PIK3C3: variants seen among roughly 807,000 people sequenced by gnomAD.
The protein encoded by PIK3C3 is PI3-kinase type 3.
A neutral mutation model predicts 126.1 loss-of-function variants in PIK3C3; 95 were observed. The observed-to-expected ratio is 0.75, with a 90% CI of 0.64 to 0.89. The LOEUF is 0.89. Among genes scored for constraint, PIK3C3 ranks in the 40% least tolerant of loss-of-function variants. PIK3C3 has a pLI of 0.00. For synonymous variants in PIK3C3, 374 were observed against 360.0 expected (o/e 1.04, Z -0.44); for missense variants, 829 against 1,063.2 (o/e 0.78, Z 3.06).
Position 42,003,341 on chromosome 18 carries a change from AAAG to A in PIK3C3, c.985-1006_985-1004del, listed in dbSNP as rs1264125777. Reference sequence around the variant, plus strand: ...TCAACAAATAGCAACAGAGGAAGACAAAGAAGAAGAAAACATCTTGGGTTCAGC... The same window carrying A: ...TCAACAAATAGCAACAGAGGAAGACAAAGAAGAAAACATCTTGGGTTCAGC... On this transcript the variant is annotated intron_variant, in intron 9 of 24. Coordinates refer to ENST00000262039, the MANE Select transcript of PIK3C3 (RefSeq NM_002647.4). Among the ~76,000 whole-genome samples, 4 of 152,220 alleles carry A rather than the reference AAAG, an allele frequency of 2.6e-5. No individual in the cohort carries two copies. In the East Asian group the frequency reaches 7.7e-4, roughly 29 times the overall value.
intron 13 of PIK3C3, 34 bp downstream of exon 13, chr18:42,020,739 T>C (rs572456168): frequency 2.5e-6 from 3 of 1,190,966 alleles, no homozygotes; most frequent in Non-Finnish European, 3.7e-6. Context: ...TATTTTCTTA[T>C]TACCCTTAAG....
intron 6 of PIK3C3, 117 bp from the exon 7 acceptor site, chr18:41,993,153 T>G: frequency 1.8e-6 from 1 of 560,790 alleles, no homozygotes; most frequent in East Asian, 3.0e-5. Flanking sequence ...AAGGATTTCT[T>G]TAAAGGGAAG....
chr18:41,968,135 G>C (rs938255909), intron 3 of PIK3C3, among the ~76,000 whole-genome samples: 1 of 152,042 alleles, frequency 6.6e-6, no homozygotes, highest in Non-Finnish European at 1.5e-5. Context: ...CCATCCCAAG[G>C]CACCTAAATC....
intron 13 of PIK3C3, among the ~76,000 whole-genome samples, chr18:42,021,021 A>C (rs950315620): frequency 1.3e-5 from 2 of 152,138 alleles, no homozygotes; most frequent in Non-Finnish European, 2.9e-5. Context: ...GTTCTTCAGG[A>C]GTATATATTT....
At chr18:42,014,207 CAAA>C (rs58086258) in intron 11 of PIK3C3, among the ~76,000 whole-genome samples, 1 of 40,996 alleles carries the variant, frequency 2.4e-5, no homozygotes, top group Non-Finnish European at 4.9e-5. Context: ...GACTCCGTCT[CAAA>C]AAAAAAAAAA....
intron 24 of PIK3C3, among the ~76,000 whole-genome samples, chr18:42,076,794 T>C (rs971651677): frequency 6.6e-6 from 1 of 152,228 alleles, no homozygotes; most frequent in African/African-American, 2.4e-5. Context: ...CACTTGAATG[T>C]CATCCTTGAT....
Position 41,955,262 on chromosome 18 carries a change from G to A in PIK3C3, c.-30G>A, listed in dbSNP as rs758929450. On this transcript the variant is annotated 5_prime_UTR_variant, in exon 1 of 25. Transcript: ENST00000262039. ...TTGTTTTTCCTGTACCTAAGTTCCCGCTGTAGGTGGTACCTTTGCAGACGG... is the reference window on the plus strand; with the variant it reads ...TTGTTTTTCCTGTACCTAAGTTCCCACTGTAGGTGGTACCTTTGCAGACGG... 3.8e-6 allele frequency: 6 copies of A among 1,594,914 alleles called. No individual in the cohort carries two copies. In the South Asian group the frequency reaches 5.5e-5, roughly 15 times the overall value.
chr18:42,037,400 G>A (rs1294778955), intron 16 of PIK3C3, among the ~76,000 whole-genome samples: 1 of 152,224 alleles, frequency 6.6e-6, no homozygotes, highest in Non-Finnish European at 1.5e-5. Flanking sequence ...GAGGAAACAA[G>A]TTAAAGGATA....
chr18:42,007,474 A>C (rs575044245), intron 10 of PIK3C3, among the ~76,000 whole-genome samples: 44 of 152,264 alleles, frequency 2.9e-4, no homozygotes, highest in African/African-American at 1.0e-3. Flanking sequence ...GCATATTATA[A>C]AAATATTGAC....
At chr18:42,052,929 T>C (rs544647800) in intron 21 of PIK3C3, 2 of 152,294 alleles carry the variant, frequency 1.3e-5, no homozygotes, top group African/African-American at 4.8e-5. Context: ...ATTTTTCTTA[T>C]TCTGCAAAAT....
intron 4 of PIK3C3, 71 bp from the exon 5 acceptor site, chr18:41,987,741 A>G (rs1981560137): frequency 3.2e-6 from 3 of 943,114 alleles, no homozygotes; most frequent in Non-Finnish European, 5.2e-6. Context: ...GTACATTGCC[A>G]TTCTGACATT....
chr18:42,025,219 T>G (rs1484406488), intron 13 of PIK3C3: 2 of 152,208 alleles, frequency 1.3e-5, no homozygotes, highest in African/African-American at 2.4e-5. Context: ...AGCTATATGT[T>G]CATTTGGAAA....
In PIK3C3 at chr18:42,007,020, C is replaced by T. The variant is rs528096093; in HGVS notation, c.1170+2479C>T. Among the ~76,000 whole-genome samples, 385 of 152,032 alleles carry T rather than the reference C, an allele frequency of 2.5e-3. 1 individual carries two copies. The highest frequency in any genetic ancestry group is 9.0e-3 in the African/African-American group (375 of 41,502). On this transcript the variant is annotated intron_variant, in intron 10 of 24. Transcript: ENST00000262039. ...CTGGGACTGCAGGTGCCCGCCACCA[C>T]CCCTGGATACTTTTTTGAATTTCTT...
chr18:42,013,845 G>A (rs1032672509), intron 11 of PIK3C3, among the ~76,000 whole-genome samples: 2 of 152,100 alleles, frequency 1.3e-5, no homozygotes, highest in African/African-American at 2.4e-5. Context: ...GTATAAACTT[G>A]CATAAATTAC....
intron 19 of PIK3C3, among the ~76,000 whole-genome samples, chr18:42,041,588 TAAAA>T (rs57481011): frequency 7.5e-6 from 1 of 133,596 alleles, no homozygotes. Flanking sequence ...CTTCCCTTTG[TAAAA>T]AAAAAAAAAA....
intron 1 of PIK3C3, 147 bp from the exon 2 acceptor site, chr18:41,957,423 A>G: frequency 1.6e-6 from 1 of 641,434 alleles, no homozygotes; most frequent in Non-Finnish European, 2.5e-6. Flanking sequence ...TTGTTTAGGT[A>G]GCATACCTTA....
At chr18:41,999,617 C>T (rs1211767520) in intron 9 of PIK3C3, among the ~76,000 whole-genome samples, 1 of 152,026 alleles carries the variant, frequency 6.6e-6, no homozygotes, top group Non-Finnish European at 1.5e-5. Context: ...GGTATCATGT[C>T]CTTGTATTCA....
intron 16 of PIK3C3, among the ~76,000 whole-genome samples, chr18:42,036,848 T>C (rs1305659273): frequency 6.6e-6 from 1 of 152,168 alleles, no homozygotes; most frequent in Non-Finnish European, 1.5e-5. Flanking sequence ...AAATCTAAAA[T>C]GCTCCAAAAT....
Position 42,015,528 on chromosome 18 carries a change from T to C in PIK3C3, c.1378T>C (p.Ser460Pro), listed in dbSNP as rs1983035347. The C allele has an allele frequency of 6.2e-7, 1 of 1,613,628 alleles. No homozygotes were observed. The highest frequency in any genetic ancestry group is 1.7e-5 in the Admixed American group (1 of 59,968). ...TTCAGTCTCTTCACCTCCTCCTGCA[T>C]CAAAAACAAAAGAAGTTCCAGATGG... ...LPSVSSPPPA[S>P]KTKEVPDGEN... The change falls in exon 12 of 25, where the codon TCA (serine) becomes CCA (proline). Residue 460 changes from serine (S) to proline (P), a missense_variant. Ser to Pro is a moderately conservative substitution (Grantham distance 74). Around this residue, in one of 4 missense-constraint regions of PIK3C3, gnomAD observed 256 missense variants for 291.0 expected, o/e 0.88. Coordinates refer to ENST00000262039, the MANE Select transcript of PIK3C3 (RefSeq NM_002647.4).
Sources: allele counts gnomAD v4.1 joint callset (sites outside exome capture counted in the v4.1 genomes callset), GRCh38; gene constraint gnomAD v4.1.1; regional missense constraint gnomAD v4.1.1; transcripts MANE v1.5; gene names NCBI Gene and HGNC (gene_info 2026-07-23, HGNC 2026-07-21).